LRBA: variants seen among roughly 807,000 people sequenced by gnomAD.
The protein encoded by LRBA is LPS responsive beige-like anchor protein.
A neutral mutation model predicts 330.0 loss-of-function variants in LRBA; 176 were observed. The ratio of observed to expected loss-of-function variants is 0.53; its 90% CI spans 0.47 to 0.60. LRBA has a LOEUF of 0.60. Ranked by LOEUF, LRBA falls within the 20% of genes least tolerant of loss-of-function variation. The pLI is 0.00. For missense variants in LRBA, 3,259 were observed against 3,444.8 expected, an observed-to-expected ratio of 0.95 and a Z score of 1.35; for synonymous variants, 1,230 against 1,193.0, an observed-to-expected ratio of 1.03 and a Z score of -0.64.
At chr4:150,967,678 G>A (rs570007807) in intron 2 of LRBA, among the ~76,000 whole-genome samples, 64 of 152,164 alleles carry the variant, frequency 4.2e-4, no homozygotes, top group Non-Finnish European at 6.9e-4. Flanking sequence ...GCATGTGCTT[G>A]CTTTGTGTTT....
At chr4:150,896,813 T>C (rs996236925) in intron 15 of LRBA, among the ~76,000 whole-genome samples, 5 of 151,936 alleles carry the variant, frequency 3.3e-5, no homozygotes, top group Non-Finnish European at 5.9e-5. Flanking sequence ...CGACTGAAAT[T>C]AAATGTGGAG....
At chr4:151,005,451 A>C (rs1162672275) in intron 2 of LRBA, among the ~76,000 whole-genome samples, 3 of 151,088 alleles carry the variant, frequency 2.0e-5, no homozygotes, top group East Asian at 1.9e-4. Context: ...AAAAAAAAAA[A>C]AAAAAAAAAA....
chr4:150,717,707 T>G (rs1274910502), intron 36 of LRBA, among the ~76,000 whole-genome samples: 1 of 33,476 alleles, frequency 3.0e-5, no homozygotes, highest in Non-Finnish European at 1.1e-4. Flanking sequence ...TAATAATCAG[T>G]GCTTTCATGG....
intron 22 of LRBA, among the ~76,000 whole-genome samples, chr4:150,862,808 C>G (rs985222078): frequency 3.9e-5 from 6 of 151,940 alleles, no homozygotes; most frequent in African/African-American, 1.5e-4. Context: ...GAAACCCTGT[C>G]TCTACTAAAA....
At chr4:150,363,647 T>A (rs1739032284) in intron 47 of LRBA, among the ~76,000 whole-genome samples, 1 of 152,236 alleles carries the variant, frequency 6.6e-6, no homozygotes, top group Non-Finnish European at 1.5e-5. Flanking sequence ...TGAATGACTA[T>A]ATCGCTTAAT....
chr4:150,839,884 T>TAAA (rs561470627), intron 28 of LRBA, among the ~76,000 whole-genome samples: 5 of 144,084 alleles, frequency 3.5e-5, no homozygotes, highest in African/African-American at 1.3e-4. Context: ...CTTAAAGTAT[T>TAAA]AAAAAAAAAA....
At chr4:150,695,392 A>C (rs1784532975) in intron 36 of LRBA, among the ~76,000 whole-genome samples, 1 of 152,144 alleles carries the variant, frequency 6.6e-6, no homozygotes. Flanking sequence ...ACATGATCAC[A>C]ACTCACTGCA....
chr4:150,316,049 T>C (rs1036170241), intron 50 of LRBA, among the ~76,000 whole-genome samples: 3 of 152,192 alleles, frequency 2.0e-5, no homozygotes, highest in Admixed American at 2.0e-4. Context: ...CAACTTATGA[T>C]GGAGAAAGGG....
intron 36 of LRBA, among the ~76,000 whole-genome samples, chr4:150,717,938 A>C (rs1187159073): frequency 6.6e-6 from 1 of 152,074 alleles, no homozygotes; most frequent in Non-Finnish European, 1.5e-5. Context: ...GATAATCATC[A>C]GTACATATGT....
In LRBA at chr4:150,901,084, G is replaced by A. The variant is rs574199991; in HGVS notation, c.1756-867C>T. 5.9e-5 allele frequency among the ~76,000 whole-genome samples: 9 copies of A among 152,152 alleles called. No individual in the cohort carries two copies. The East Asian group carries it at 1.7e-3, about 29-fold the overall frequency. On this transcript the variant is annotated intron_variant, in intron 13 of 56. Coordinates refer to ENST00000651943, the MANE Select transcript of LRBA (RefSeq NM_001364905.1). The stretch of plus-strand genomic sequence containing the variant: ...AGGCTGAGGCGGGCAGATCACTTGA[G>A]GTCAGGAGTTTAAAACCAGCCTGGC...
chr4:150,672,891 C>G (rs996894662), intron 37 of LRBA, among the ~76,000 whole-genome samples: 2 of 152,040 alleles, frequency 1.3e-5, no homozygotes, highest in Non-Finnish European at 2.9e-5. Flanking sequence ...ATTTTGAAAA[C>G]TTATTTAGAA....
At chr4:150,558,475 G>C (rs533313307) in intron 40 of LRBA, among the ~76,000 whole-genome samples, 2 of 152,136 alleles carry the variant, frequency 1.3e-5, no homozygotes, top group South Asian at 4.2e-4. Context: ...TCTTTCATTT[G>C]GCTCTTGTGT....
intron 37 of LRBA, among the ~76,000 whole-genome samples, chr4:150,612,999 T>C (rs1308840655): frequency 6.6e-6 from 1 of 152,180 alleles, no homozygotes; most frequent in Non-Finnish European, 1.5e-5. Context: ...TTAGGAGATC[T>C]TAAGTAAAAG....
chr4:150,275,231 C>G (rs866320948), intron 56 of LRBA, among the ~76,000 whole-genome samples: 2 of 152,108 alleles, frequency 1.3e-5, no homozygotes. Context: ...ATTCACCACC[C>G]CTTCATCCTA....
intron 50 of LRBA, among the ~76,000 whole-genome samples, chr4:150,319,204 C>T (rs534058598): frequency 1.3e-5 from 2 of 152,076 alleles, no homozygotes; most frequent in South Asian, 4.2e-4. Flanking sequence ...GCCAGCTCTT[C>T]CTAGGCTAAA....
Position 151,014,788 on chromosome 4 carries a change from C to A in LRBA, c.-146G>T, listed in dbSNP as rs1400107176. The stretch of plus-strand genomic sequence containing the variant: ...CCCAAAGCAGTTGATGTGGAAAGTC[C>A]TTGGCGTCGCCCTCCTCCTCTTGGA... On this transcript the variant is annotated 5_prime_UTR_variant, in exon 2 of 57. It adds an upstream start codon to the 5' untranslated region. Transcript: ENST00000651943. 1.8e-5 allele frequency: 11 copies of A among 595,388 alleles called. No individual in the cohort carries two copies. Among genetic ancestry groups the A allele is most frequent in the Non-Finnish European group, 3.0e-5 (10 of 335,550 alleles). The allele number at this position is 595,388 out of a possible 1,614,324, so 36.9% of individuals were successfully genotyped here.
rs181355421 is a variant in LRBA at position 150,594,774 on chromosome 4, G to A, written c.6047-3915C>T. ...TAAGAACAATGAAAGGCCTAAGAGA[G>A]AGAGGCTGGTCCCCAAAATGTAAAA... On this transcript the variant is annotated intron_variant, in intron 38 of 56. Coordinates refer to ENST00000651943, the MANE Select transcript of LRBA (RefSeq NM_001364905.1). Among the ~76,000 whole-genome samples the A allele has an allele frequency of 1.9e-4, 29 of 152,126 alleles. No individual in the cohort carries two copies. The East Asian group carries it at 5.4e-3, about 28-fold the overall frequency.
intron 40 of LRBA, among the ~76,000 whole-genome samples, chr4:150,551,989 C>G (rs1293876444): frequency 6.6e-6 from 1 of 152,116 alleles, no homozygotes; most frequent in Non-Finnish European, 1.5e-5. Flanking sequence ...TAGGATGAAA[C>G]TCTTCCGACT....
At chr4:150,332,058 G>A (rs1734068789) in intron 48 of LRBA, among the ~76,000 whole-genome samples, 1 of 152,158 alleles carries the variant, frequency 6.6e-6, no homozygotes, top group Non-Finnish European at 1.5e-5. Flanking sequence ...ATCAGTAAGT[G>A]TGTGATATTA....
Sources: gnomAD v4.1 joint callset for allele counts (sites outside exome capture counted in the v4.1 genomes callset) on GRCh38, gnomAD v4.1.1 for gene constraint, MANE v1.5 for transcripts, NCBI Gene and HGNC (gene_info 2026-07-23, HGNC 2026-07-21) for gene names.